WWOX: variants seen among roughly 807,000 people sequenced by gnomAD.
WWOX encodes WW domain-containing oxidoreductase.
WWOX carries 69 observed loss-of-function variants against 46.2 expected under a neutral mutation model. The observed-to-expected ratio is 1.49, with a 90% CI of 1.23 to 1.82. WWOX has a LOEUF of 1.82. WWOX is among the 40% of genes most tolerant of loss of function. The pLI, the probability that WWOX is intolerant of heterozygous loss-of-function variation, is 0.00. For synonymous variants in WWOX, 359 were observed against 202.6 expected (o/e 1.77, Z -6.56); for missense variants, 919 against 542.6 (o/e 1.69, Z -6.89).
intron 5 of WWOX, among the ~76,000 whole-genome samples, chr16:78,375,704 C>T (rs986546011): frequency 2.0e-5 from 3 of 151,934 alleles, no homozygotes; most frequent in Non-Finnish European, 4.4e-5. Context: ...GAGTCTACTT[C>T]CAGGAATTCA....
chr16:78,147,950 G>A (rs575754686), intron 4 of WWOX, among the ~76,000 whole-genome samples: 16 of 152,060 alleles, frequency 1.1e-4, no homozygotes, highest in African/African-American at 3.9e-4. Context: ...CTTTGGATGA[G>A]TGTGTGCGTG....
chr16:78,673,124 C>T (rs1482819336), intron 8 of WWOX, among the ~76,000 whole-genome samples: 2 of 152,230 alleles, frequency 1.3e-5, no homozygotes, highest in Non-Finnish European at 2.9e-5. Context: ...AACGTGCAGA[C>T]ATGTCCTGAA....
At chr16:78,879,676 G>C (rs923919367) in intron 8 of WWOX, among the ~76,000 whole-genome samples, 1 of 152,084 alleles carries the variant, frequency 6.6e-6, no homozygotes, top group African/African-American at 2.4e-5. Context: ...TCGGGAGTTC[G>C]AGACCAGTCT....
intron 5 of WWOX, among the ~76,000 whole-genome samples, chr16:78,183,581 C>T (rs1464328830): frequency 2.0e-5 from 3 of 152,180 alleles, no homozygotes; most frequent in African/African-American, 2.4e-5. Flanking sequence ...CATCCCCGAA[C>T]CGTAGGATGC....
At chr16:79,159,344 A>G (rs895583674) in intron 8 of WWOX, among the ~76,000 whole-genome samples, 9 of 152,312 alleles carry the variant, frequency 5.9e-5, no homozygotes, top group African/African-American at 1.7e-4. Flanking sequence ...TAATCATTTA[A>G]TTAGCTAAAT....
intron 5 of WWOX, among the ~76,000 whole-genome samples, chr16:78,366,431 C>G (rs777070292): frequency 1.3e-5 from 2 of 152,144 alleles, no homozygotes; most frequent in Non-Finnish European, 2.9e-5. Context: ...ACAACAGACA[C>G]TCTAAGGAAT....
chr16:78,894,017 G>T (rs1414096323), intron 8 of WWOX, among the ~76,000 whole-genome samples: 1 of 43,866 alleles, frequency 2.3e-5, no homozygotes, highest in Non-Finnish European at 5.8e-5. Flanking sequence ...TTTTATTGAG[G>T]CTTTTATTAT....
intron 8 of WWOX, among the ~76,000 whole-genome samples, chr16:78,466,269 G>C (rs1037193704): frequency 6.6e-6 from 1 of 152,004 alleles, no homozygotes; most frequent in African/African-American, 2.4e-5. Flanking sequence ...CTGACCTTTT[G>C]ATCAGCCTGC....
Position 78,934,802 on chromosome 16 carries a change from TAAAAG to T in WWOX, c.1057-276804_1057-276800del, listed in dbSNP as rs550368773. ...ATGCAGGCCTATAGAGAGCAGATGT[TAAAAG>T]AGAAGAAGCAGACTGGGCATGGTGG... On this transcript the variant is annotated intron_variant, in intron 8 of 8. Transcript: ENST00000566780. Among the ~76,000 whole-genome samples, 79 of 152,154 alleles carry T rather than the reference TAAAAG, an allele frequency of 5.2e-4. 1 individual carries two copies. The highest frequency in any genetic ancestry group is 2.3e-3 in the South Asian group (11 of 4,810).
chr16:78,239,349 A>G (rs2151816972), intron 5 of WWOX, among the ~76,000 whole-genome samples: 1 of 152,204 alleles, frequency 6.6e-6, no homozygotes, highest in African/African-American at 2.4e-5. Context: ...TGGTCCTCCC[A>G]TCCCCGTGAG....
At chr16:79,058,250 T>C (rs905791510) in intron 8 of WWOX, among the ~76,000 whole-genome samples, 2 of 152,170 alleles carry the variant, frequency 1.3e-5, no homozygotes, top group African/African-American at 2.4e-5. Flanking sequence ...TGGGCAACTT[T>C]CTTTGCATCT....
chr16:79,074,771 G>T (rs1369757392), intron 8 of WWOX, among the ~76,000 whole-genome samples: 1 of 151,982 alleles, frequency 6.6e-6, no homozygotes, highest in African/African-American at 2.4e-5. Context: ...TCAGAAAATA[G>T]CAAGTTATTT....
chr16:78,589,256 G>C (rs545385436), intron 8 of WWOX, among the ~76,000 whole-genome samples: 3 of 152,306 alleles, frequency 2.0e-5, no homozygotes, highest in South Asian at 4.1e-4. Context: ...TAGAGGAAAA[G>C]CAAAGCAAAA....
chr16:78,835,317 G>A (rs1372906593), intron 8 of WWOX, among the ~76,000 whole-genome samples: 1 of 152,066 alleles, frequency 6.6e-6, no homozygotes, highest in African/African-American at 2.4e-5. Flanking sequence ...ACCATTCAAA[G>A]CGTTGTGCAA....
chr16:78,796,290 C>T (rs186941381), intron 8 of WWOX, among the ~76,000 whole-genome samples: 7 of 152,322 alleles, frequency 4.6e-5, no homozygotes, highest in East Asian at 3.9e-4. Context: ...ATCTTGGGCT[C>T]AGCCATACCC....
At position 78,492,221 on chromosome 16, in the gene WWOX, C is replaced by T. The variant is rs545026837; in HGVS notation, c.1056+59469C>T. ...TGTGCACAGTTTATGGAGGATGAAG[C>T]GGGAAACCTGAGCCACAAGGCAGTA... On this transcript the variant is annotated intron_variant, in intron 8 of 8. Coordinates refer to ENST00000566780, the MANE Select transcript of WWOX (RefSeq NM_016373.4). Among the ~76,000 whole-genome samples, 11 of 152,242 alleles carry T rather than the reference C, an allele frequency of 7.2e-5. No individual in the cohort carries two copies. In the South Asian group the frequency reaches 1.5e-3, roughly 20 times the overall value.
chr16:78,768,975 C>T (rs1555531965), intron 8 of WWOX, among the ~76,000 whole-genome samples: 4 of 152,090 alleles, frequency 2.6e-5, no homozygotes, highest in Non-Finnish European at 2.9e-5. Context: ...AACCAAGCAC[C>T]AGAAGGTGTG....
chr16:79,102,288 G>C (rs1168788622), intron 8 of WWOX, among the ~76,000 whole-genome samples: 1 of 152,130 alleles, frequency 6.6e-6, no homozygotes, highest in African/African-American at 2.4e-5. Flanking sequence ...TTGTGACTAT[G>C]GACAAGAGGT....
intron 5 of WWOX, chr16:78,167,744 C>G (rs79922888): frequency 6.6e-6 from 1 of 152,158 alleles, no homozygotes; most frequent in Non-Finnish European, 1.5e-5. Flanking sequence ...CATTCATACC[C>G]TGCAGAGAGG....
Sources: allele counts gnomAD v4.1 joint callset (sites outside exome capture counted in the v4.1 genomes callset), GRCh38; gene constraint gnomAD v4.1.1; transcripts MANE v1.5; gene names NCBI Gene and HGNC (gene_info 2026-07-23, HGNC 2026-07-21).